Variants in RAB11FIP4 observed in about 807,000 individuals in gnomAD.
RAB11FIP4 encodes rab11 family-interacting protein 4.
A neutral mutation model predicts 74.3 loss-of-function variants in RAB11FIP4; 23 were observed. The ratio of observed to expected loss-of-function variants is 0.31; its 90% CI spans 0.22 to 0.44. The LOEUF is 0.44. Ranked by LOEUF, RAB11FIP4 falls within the 20% of genes least tolerant of loss-of-function variation. RAB11FIP4 has a pLI of 1.00. For missense variants in RAB11FIP4, 630 were observed against 863.9 expected (o/e 0.73, Z 3.39); for synonymous variants, 360 against 359.9 (o/e 1.00, Z 0.00).
At chr17:31,419,135 A>C (rs920679793) in intron 1 of RAB11FIP4, among the ~76,000 whole-genome samples, 3 of 152,026 alleles carry the variant, frequency 2.0e-5, no homozygotes, top group Non-Finnish European at 4.4e-5. Context: ...GACACTGGGG[A>C]TGTTTCTAGG....
intron 13 of RAB11FIP4, 144 bp from the exon 14 acceptor site, chr17:31,530,182 C>A: frequency 1.8e-6 from 2 of 1,087,082 alleles, no homozygotes; most frequent in Non-Finnish European, 2.7e-6. Context: ...GCTGCAACAT[C>A]TATGGCCCCT....
At chr17:31,505,833 G>A (rs1327702966) in intron 3 of RAB11FIP4, among the ~76,000 whole-genome samples, 1 of 145,714 alleles carries the variant, frequency 6.9e-6, no homozygotes, top group Non-Finnish European at 1.5e-5. Context: ...AGCCTCCCGA[G>A]TAGCTGAGAT....
In RAB11FIP4 at chr17:31,527,846, C is replaced by G. The variant is rs1336611927; in HGVS notation, c.1279C>G (p.Gln427Glu). The G allele has an allele frequency of 1.2e-6, 2 of 1,604,804 alleles. No individual in the cohort carries two copies. Among genetic ancestry groups the G allele is most frequent in the South Asian group, 2.3e-5 (2 of 88,700 alleles). The change falls in exon 11 of 15, where the codon CAG becomes GAG. Residue 427 changes from glutamine to glutamate, a missense_variant. Transcript: ENST00000621161. The part of the protein sequence containing the change: ...TEVELLNARV[Q>E]QLEEENTELR... ...TTGTCTTTCTCCTTTCGCCAGGGTG[C>G]AGCAGTTGGAGGAAGAAAATACAGA...
intron 1 of RAB11FIP4, among the ~76,000 whole-genome samples, chr17:31,419,697 C>T (rs1390640334): frequency 6.6e-6 from 1 of 151,664 alleles, no homozygotes; most frequent in Non-Finnish European, 1.5e-5. Context: ...ACTACAGGCG[C>T]CCACCACCAT....
rs564374626 is a variant in RAB11FIP4, at chr17:31,472,644, C to T, written c.336+38522C>T. On this transcript the variant is annotated intron_variant, in intron 3 of 14. Transcript: ENST00000621161. ...TGATAGAGAAAGTGCATCAAGAAGG[C>T]GAAGCAGAAGGGAAGACAGGGATGG... Among the ~76,000 whole-genome samples, 34 of 152,180 alleles carry T rather than the reference C, an allele frequency of 2.2e-4. No individual in the cohort carries two copies. In the South Asian group the frequency reaches 5.6e-3, roughly 25 times the overall value.
rs182215634 is a variant in RAB11FIP4, at chr17:31,529,839, G to T, written c.1654-487G>T. ...CAGGGTCCCAGGTGTGAGCATTAGG[G>T]CTCTTTAGGCAAAAGCTGGAGTGTG... On this transcript the variant is annotated intron_variant, in intron 13 of 14. Coordinates refer to ENST00000621161, the MANE Select transcript of RAB11FIP4 (RefSeq NM_032932.6). Among the ~76,000 whole-genome samples, 65 of 152,322 alleles carry T rather than the reference G, an allele frequency of 4.3e-4. 1 individual carries two copies. In the East Asian group the frequency reaches 0.012, roughly 28 times the overall value.
intron 3 of RAB11FIP4, among the ~76,000 whole-genome samples, chr17:31,454,502 G>A (rs949634228): frequency 6.6e-6 from 1 of 152,046 alleles, no homozygotes; most frequent in African/African-American, 2.4e-5. Flanking sequence ...TCGAACCCAT[G>A]ACCTCAAGCA....
At chr17:31,393,122 T>C (rs8065496) in intron 1 of RAB11FIP4, among the ~76,000 whole-genome samples, 92,160 of 152,162 alleles carry the variant, frequency 0.61, 28,223 homozygotes, top group Middle Eastern at 0.64. Context: ...GGGCCGGGAC[T>C]TGTGAGTCGC....
At chr17:31,424,090 T>A (rs1043271043) in intron 1 of RAB11FIP4, among the ~76,000 whole-genome samples, 5 of 152,198 alleles carry the variant, frequency 3.3e-5, no homozygotes, top group African/African-American at 1.2e-4. Flanking sequence ...GCTTTTTCTC[T>A]GTGCACCTGC....
intron 3 of RAB11FIP4, among the ~76,000 whole-genome samples, chr17:31,464,940 T>C (rs567173774): frequency 1.3e-5 from 2 of 150,248 alleles, no homozygotes; most frequent in Non-Finnish European, 3.0e-5. Context: ...TTTGTATTTT[T>C]AGTAGAGACA....
rs1567699541 is a variant in RAB11FIP4, at chr17:31,535,387, A to G, written c.*3655A>G. The stretch of plus-strand genomic sequence containing the variant: ...CTTCTGCTGTCTGGGCTGAACCCCC[A>G]GAGGTTCGGATTGAATTGGTGTGGG... On this transcript the variant is annotated 3_prime_UTR_variant, in exon 15 of 15. Coordinates refer to ENST00000621161, the MANE Select transcript of RAB11FIP4 (RefSeq NM_032932.6). 6.6e-6 allele frequency: 1 copy of G among 152,012 alleles called. No individual in the cohort carries two copies. The highest frequency in any genetic ancestry group is 2.4e-5 in the African/African-American group (1 of 41,390). The allele number at this position is 152,012 out of a possible 1,614,324, so 9.4% of individuals were successfully genotyped here.
At chr17:31,487,758 G>GCGCGAGCTCACACGCCGACTC (rs2071923340) in intron 3 of RAB11FIP4, among the ~76,000 whole-genome samples, 1 of 152,080 alleles carries the variant, frequency 6.6e-6, no homozygotes, top group Admixed American at 6.5e-5. Context: ...CCTGGCAGGG[G>GCGCGAGCTCACACGCCGACTC]CGCGAGCTCA....
rs182963350 is a variant in RAB11FIP4 at position 31,516,714 on chromosome 17, C to T, written c.337-937C>T. Among the ~76,000 whole-genome samples, 27 of 152,326 alleles carry T rather than the reference C, an allele frequency of 1.8e-4. No homozygotes were observed. In the East Asian group the frequency reaches 2.3e-3, roughly 13 times the overall value. On this transcript the variant is annotated intron_variant, in intron 3 of 14. Coordinates refer to ENST00000621161, the MANE Select transcript of RAB11FIP4 (RefSeq NM_032932.6). ...TGATCTCCTGACCTCGTGATCTGCC[C>T]GCCTTGGCCTCCCAAGTGCTGGGAT...
intron 3 of RAB11FIP4, among the ~76,000 whole-genome samples, chr17:31,434,616 C>T (rs533067341): frequency 8.5e-5 from 13 of 152,334 alleles, no homozygotes; most frequent in African/African-American, 1.7e-4. Context: ...CCACCTCCCA[C>T]GCCAGCTGCA....
intron 1 of RAB11FIP4, among the ~76,000 whole-genome samples, chr17:31,421,306 T>C (rs2071197099): frequency 6.6e-6 from 1 of 151,816 alleles, no homozygotes; most frequent in South Asian, 2.1e-4. Context: ...GAAATCTCCA[T>C]CTCCCAGGTT....
chr17:31,414,340 G>A (rs1359299472), intron 1 of RAB11FIP4, among the ~76,000 whole-genome samples: 1 of 152,224 alleles, frequency 6.6e-6, no homozygotes, highest in Non-Finnish European at 1.5e-5. Flanking sequence ...CTTCCTGGGA[G>A]CCTCTCTGTC....
chr17:31,433,923 G>C, intron 2 of RAB11FIP4, 111 bp from the exon 3 acceptor site: 1 of 1,058,106 alleles, frequency 9.5e-7, no homozygotes, highest in South Asian at 1.4e-5. Context: ...CTGGAGCCTC[G>C]GGCCCCCACC....
chr17:31,488,266 G>A (rs2071938813), intron 3 of RAB11FIP4: 1 of 1,175,636 alleles, frequency 8.5e-7, no homozygotes, highest in Admixed American at 4.6e-5. Flanking sequence ...CAGCTCTCGG[G>A]AGCCAGGTAA....
chr17:31,472,412 C>T (rs1404487966), intron 3 of RAB11FIP4, among the ~76,000 whole-genome samples: 2 of 152,170 alleles, frequency 1.3e-5, no homozygotes, highest in South Asian at 2.1e-4. Context: ...TCATGGCTCT[C>T]ATCATAAAGG....
Sources: gnomAD v4.1 joint callset for allele counts (sites outside exome capture counted in the v4.1 genomes callset) on GRCh38, gnomAD v4.1.1 for gene constraint, MANE v1.5 for transcripts, NCBI Gene and HGNC (gene_info 2026-07-23, HGNC 2026-07-21) for gene names.